SEMA6D: variants seen among roughly 807,000 people sequenced by gnomAD.
SEMA6D encodes semaphorin 6D.
In SEMA6D, 35 loss-of-function variants were observed where a neutral mutation model predicts 106.6. The ratio of observed to expected loss-of-function variants is 0.33; its 90% CI spans 0.25 to 0.44. The LOEUF (loss-of-function observed/expected upper bound fraction) is 0.44. SEMA6D is among the 20% of genes least tolerant of loss of function. SEMA6D has a pLI of 1.00. For synonymous variants in SEMA6D, 499 were observed against 487.7 expected (o/e 1.02, Z -0.31); for missense variants, 1,185 against 1,345.9 (o/e 0.88, Z 1.87).
At chr15:47,515,166 A>G (rs758612591) in intron 3 of SEMA6D, among the ~76,000 whole-genome samples, 2 of 152,094 alleles carry the variant, frequency 1.3e-5, no homozygotes, top group Non-Finnish European at 2.9e-5. Flanking sequence ...AACCATCAAT[A>G]TCACTAACTC....
chr15:47,538,032 A>T (rs1194726881), intron 3 of SEMA6D, among the ~76,000 whole-genome samples: 1 of 152,202 alleles, frequency 6.6e-6, no homozygotes, highest in African/African-American at 2.4e-5. Flanking sequence ...CTTCAAGGAG[A>T]TGATTCAGAA....
In SEMA6D at chr15:47,543,114, G is replaced by C. The variant is rs1347470; in HGVS notation, c.-86-57751G>C. Among the ~76,000 whole-genome samples the C allele has an allele frequency of 8.6e-3, 1,311 of 152,246 alleles. 14 individuals are homozygous for C. The highest frequency in any genetic ancestry group is 0.03 in the African/African-American group (1,260 of 41,542). ...TCATCAGTTTTATATCACTATATCA[G>C]CAATGCTTTAACAATGTTGACACAG... On this transcript the variant is annotated intron_variant, in intron 3 of 19. Transcript: ENST00000558014.
At chr15:47,584,442 G>A (rs1345568698) in intron 3 of SEMA6D, among the ~76,000 whole-genome samples, 1 of 151,972 alleles carries the variant, frequency 6.6e-6, no homozygotes, top group African/African-American at 2.4e-5. Flanking sequence ...AAAAAAAAAG[G>A]AGAGTGAATG....
chr15:47,334,329 C>T (rs2144215873), intron 1 of SEMA6D, among the ~76,000 whole-genome samples: 1 of 152,284 alleles, frequency 6.6e-6, no homozygotes, highest in African/African-American at 2.4e-5. Context: ...GCAAATTAAT[C>T]AAACCCAAAG....
intron 4 of SEMA6D, among the ~76,000 whole-genome samples, chr15:47,615,911 T>A (rs1477476526): frequency 6.6e-6 from 1 of 152,208 alleles, no homozygotes; most frequent in African/African-American, 2.4e-5. Context: ...CCATGAATTA[T>A]CCAGTTACTG....
intron 1 of SEMA6D, among the ~76,000 whole-genome samples, chr15:47,304,377 C>T (rs944615219): frequency 7.6e-6 from 1 of 132,268 alleles, no homozygotes; most frequent in Non-Finnish European, 1.5e-5. Flanking sequence ...ACCTGGGAGG[C>T]GGAGGATGCA....
chr15:47,361,781 G>C (rs1542674), intron 1 of SEMA6D, among the ~76,000 whole-genome samples: 2 of 151,556 alleles, frequency 1.3e-5, no homozygotes, highest in African/African-American at 2.4e-5. Context: ...GCCTCTCCCC[G>C]CCCCTCCACT....
At chr15:47,765,235 G>A (rs917559196) in intron 13 of SEMA6D, 179 bp downstream of exon 13, 21 of 1,392,716 alleles carry the variant, frequency 1.5e-5, no homozygotes, top group East Asian at 8.0e-5. Context: ...CTGCTAGGGC[G>A]AGGGGGGTGA....
chr15:47,608,561 TC>T (rs1348008118), intron 4 of SEMA6D, among the ~76,000 whole-genome samples: 1 of 152,168 alleles, frequency 6.6e-6, no homozygotes, highest in Admixed American at 6.5e-5. Context: ...TAATTTCTCT[TC>T]CCAGTTAAAG....
At chr15:47,446,525 A>G (rs777716513) in intron 2 of SEMA6D, among the ~76,000 whole-genome samples, 1 of 152,150 alleles carries the variant, frequency 6.6e-6, no homozygotes, top group Non-Finnish European at 1.5e-5. Context: ...AAGCAAATGT[A>G]TGTTTAAACT....
chr15:47,517,158 A>T (rs2044414041), intron 3 of SEMA6D, among the ~76,000 whole-genome samples: 1 of 152,138 alleles, frequency 6.6e-6, no homozygotes, highest in African/African-American at 2.4e-5. Context: ...TACTCTTAGG[A>T]CTTCAGGGGA....
intron 4 of SEMA6D, among the ~76,000 whole-genome samples, chr15:47,658,036 A>G: frequency 6.6e-6 from 1 of 151,900 alleles, no homozygotes; most frequent in Non-Finnish European, 1.5e-5. Flanking sequence ...CACCACGCCC[A>G]GCAGGGCTTC....
At chr15:47,528,084 A>C (rs897821582) in intron 3 of SEMA6D, among the ~76,000 whole-genome samples, 1 of 152,142 alleles carries the variant, frequency 6.6e-6, no homozygotes, top group Non-Finnish European at 1.5e-5. Flanking sequence ...CCCAGAACAA[A>C]ACCAAGGAAG....
Position 47,318,538 on chromosome 15 carries a change from A to C in SEMA6D, c.-238-93855A>C, listed in dbSNP as rs577268654. On this transcript the variant is annotated intron_variant, in intron 1 of 19. Coordinates refer to the SEMA6D transcript ENST00000558014. ...CGATGTTTGGTTTTTTGTTCTTGCGATAGTTTACTGAGAATGATGATTTCC... is the reference window on the plus strand; with the variant it reads ...CGATGTTTGGTTTTTTGTTCTTGCGCTAGTTTACTGAGAATGATGATTTCC... 2.4e-4 allele frequency among the ~76,000 whole-genome samples: 36 copies of C among 149,162 alleles called. No individual in the cohort carries two copies. In the South Asian group the frequency reaches 3.2e-3, roughly 13 times the overall value.
intron 1 of SEMA6D, among the ~76,000 whole-genome samples, chr15:47,306,462 C>G (rs947516330): frequency 6.6e-6 from 1 of 152,038 alleles, no homozygotes; most frequent in African/African-American, 2.4e-5. Context: ...TGGCTTATGC[C>G]TGTAATCCCA....
chr15:47,555,511 A>G, intron 3 of SEMA6D, among the ~76,000 whole-genome samples: 1 of 152,312 alleles, frequency 6.6e-6, no homozygotes, highest in South Asian at 2.1e-4. Context: ...GAACTAAGTG[A>G]TCATTCCTGA....
chr15:47,614,944 G>T (rs551271299), intron 4 of SEMA6D, among the ~76,000 whole-genome samples: 1 of 152,042 alleles, frequency 6.6e-6, no homozygotes, highest in African/African-American at 2.4e-5. Flanking sequence ...GCCAATTTTC[G>T]TCAATTATTT....
At chr15:47,715,611 T>TGAAAAC (rs1190540635), upstream of SEMA6D, among the ~76,000 whole-genome samples, 3 of 152,166 alleles carry the variant, frequency 2.0e-5, no homozygotes, top group Non-Finnish European at 4.4e-5. Context: ...AAAACACGGC[T>TGAAAAC]AATCCATGGC....
intron 1 of SEMA6D, among the ~76,000 whole-genome samples, chr15:47,277,580 A>ATAT (rs747605039): frequency 0.29 from 30,939 of 106,294 alleles, 3,780 homozygotes; most frequent in Non-Finnish European, 0.4. Flanking sequence ...TAAGGTATGT[A>ATAT]TATTATTATT....
Sources: gnomAD v4.1 joint callset for allele counts (sites outside exome capture counted in the v4.1 genomes callset) on GRCh38, gnomAD v4.1.1 for gene constraint, MANE v1.5 for transcripts, NCBI Gene and HGNC (gene_info 2026-07-23, HGNC 2026-07-21) for gene names.